The following RUVBL1 variants were observed in gnomAD, a reference collection of about 807,000 sequenced individuals.
RUVBL1 encodes RuvB like AAA ATPase 1, also known as ruvB-like 1.
In RUVBL1, 4 loss-of-function variants were observed where a neutral mutation model predicts 52.4. That is an observed-to-expected ratio of 0.08 (90% CI 0.04 to 0.17). The LOEUF (loss-of-function observed/expected upper bound fraction) is 0.17. RUVBL1 is among the 10% of genes least tolerant of loss of function. The pLI is 1.00. For synonymous variants in RUVBL1, 217 were observed against 214.4 expected, an observed-to-expected ratio of 1.01 and a Z score of -0.10; for missense variants, 298 against 572.8, an observed-to-expected ratio of 0.52 and a Z score of 4.90.
chr3:128,084,486 T>G (rs1942578314), intron 9 of RUVBL1: 1 of 152,136 alleles, frequency 6.6e-6, no homozygotes, highest in Admixed American at 6.5e-5. Context: ...GATGTAAATA[T>G]TGAATCCTGG....
rs1559843198 is a variant in RUVBL1, at chr3:128,152,904, G to GTCCCCCCACCCTCC, written c.-40+298_-40+299insGGAGGGTGGGGGGA. 7.5e-3 allele frequency among the ~76,000 whole-genome samples: 47 copies of GTCCCCCCACCCTCC among 6,246 alleles called. 1 individual carries two copies. Among genetic ancestry groups the GTCCCCCCACCCTCC allele is most frequent in the Non-Finnish European group, 9.8e-3 (36 of 3,688 alleles). 4.1% of individuals were successfully genotyped at this position (6,246 alleles called of 152,430 possible). ...TTTGCCCCCTCCCCCACGTCCCCCC[G>GTCCCCCCACCCTCC]CCCTCCCCCGCCCCCCGCCGTCCCC... On this transcript the variant is annotated intron_variant, in intron 1 of 9. Coordinates refer to the RUVBL1 transcript ENST00000464873.
chr3:128,122,318 T>C (rs1204104031), intron 1 of RUVBL1, among the ~76,000 whole-genome samples: 2 of 152,284 alleles, frequency 1.3e-5, no homozygotes, highest in Non-Finnish European at 2.9e-5. Context: ...GAGGGACAGA[T>C]GAAAAGATAT....
At chr3:128,112,769 A>G in intron 3 of RUVBL1, 119 bp downstream of exon 3, 1 of 1,202,782 alleles carries the variant, frequency 8.3e-7, no homozygotes, top group South Asian at 1.5e-5. Flanking sequence ...CTAAGTGCCA[A>G]AAGAAAAACA....
chr3:128,153,564 C>T, exon 1 of RUVBL1: 6 of 1,537,064 alleles, frequency 3.9e-6, no homozygotes, highest in Non-Finnish European at 5.2e-6. Flanking sequence ...TCGACAGCGG[C>T]AAGACGGCGC....
At chr3:128,122,791 G>T (rs976794519) in intron 1 of RUVBL1, among the ~76,000 whole-genome samples, 1 of 152,214 alleles carries the variant, frequency 6.6e-6, no homozygotes, top group Non-Finnish European at 1.5e-5. Context: ...TGATTTGGGA[G>T]TCAGAAATAC....
intron 6 of RUVBL1, among the ~76,000 whole-genome samples, chr3:128,099,158 C>T (rs1023631166): frequency 2.0e-5 from 3 of 152,176 alleles, no homozygotes; most frequent in East Asian, 1.9e-4. Flanking sequence ...GTATAAGCTC[C>T]GTGGGGCCTG....
At chr3:128,140,356 T>G (rs1027993110) in intron 1 of RUVBL1, among the ~76,000 whole-genome samples, 1 of 141,592 alleles carries the variant, frequency 7.1e-6, no homozygotes, top group Non-Finnish European at 1.6e-5. Context: ...GTGGGGCTGC[T>G]GGCTTTTAGA....
intron 1 of RUVBL1, among the ~76,000 whole-genome samples, chr3:128,141,000 G>T (rs1944012648): frequency 6.6e-6 from 1 of 152,158 alleles, no homozygotes; most frequent in Non-Finnish European, 1.5e-5. Flanking sequence ...TTTTATTAAA[G>T]ATTCTTTGGA....
At chr3:128,098,467 G>A (rs768882482) in intron 7 of RUVBL1, among the ~76,000 whole-genome samples, 1 of 152,216 alleles carries the variant, frequency 6.6e-6, no homozygotes, top group East Asian at 1.9e-4. Flanking sequence ...AAGGTTCACA[G>A]GGGAGCAGCA....
chr3:128,129,973 C>G (rs1016943786), intron 1 of RUVBL1, among the ~76,000 whole-genome samples: 1 of 152,098 alleles, frequency 6.6e-6, no homozygotes, highest in African/African-American at 2.4e-5. Flanking sequence ...GTACCTAAAG[C>G]CGCCTAACTG....
intron 1 of RUVBL1, among the ~76,000 whole-genome samples, chr3:128,145,675 G>C (rs1944093261): frequency 6.6e-6 from 1 of 152,186 alleles, no homozygotes; most frequent in Admixed American, 6.5e-5. Context: ...TGAGGAGTCA[G>C]TCTATCCACA....
intron 1 of RUVBL1, among the ~76,000 whole-genome samples, chr3:128,140,689 C>G (rs1433175542): frequency 1.3e-5 from 2 of 151,906 alleles, no homozygotes; most frequent in Non-Finnish European, 2.9e-5. Context: ...AATGACAGAC[C>G]ACATATAAGA....
At chr3:128,144,582 G>A (rs930431315) in intron 1 of RUVBL1, among the ~76,000 whole-genome samples, 4 of 152,190 alleles carry the variant, frequency 2.6e-5, no homozygotes, top group Admixed American at 1.3e-4. Flanking sequence ...GGTGGTGAGT[G>A]CATTCAAGAA....
At chr3:128,071,840 G>A (rs1306779092) in intron 9 of RUVBL1, among the ~76,000 whole-genome samples, 1 of 152,230 alleles carries the variant, frequency 6.6e-6, no homozygotes, top group Non-Finnish European at 1.5e-5. Flanking sequence ...TGTCAACCTG[G>A]TGCTCACATT....
chr3:128,146,316 CTG>C lies in RUVBL1; in HGVS notation c.-40+6885_-40+6886del, dbSNP rs138740874. On this transcript the variant is annotated intron_variant, in intron 1 of 9. Coordinates refer to the RUVBL1 transcript ENST00000464873. Reference sequence around the variant, plus strand: ...TGTGTCTCTGTGCATGTGCGTGCGTCTGTGTGTGTGTGTGCATGTGTGCGTGT... The same window carrying C: ...TGTGTCTCTGTGCATGTGCGTGCGTCTGTGTGTGTGTGCATGTGTGCGTGT... Among the ~76,000 whole-genome samples the C allele has an allele frequency of 6.0e-5, 9 of 150,740 alleles. 1 individual carries two copies. The South Asian group carries it at 1.5e-3, about 25-fold the overall frequency.
At chr3:128,076,973 CGGTGACGGCG>C (rs1247845529), downstream of RUVBL1, among the ~76,000 whole-genome samples, 7 of 151,120 alleles carry the variant, frequency 4.6e-5, no homozygotes, top group Non-Finnish European at 8.8e-5. The surrounding 1 kb of genome is among the most constrained non-coding windows in gnomAD (Gnocchi z 6.8). Context: ...GTGACGGTGA[CGGTGACGGCG>C]GGTGACGGAG....
exon 1 of RUVBL1, chr3:128,153,448 G>A: frequency 7.0e-7 from 1 of 1,433,388 alleles, no homozygotes. Context: ...GCCGGACCGC[G>A]GCGACTACCG....
At chr3:128,153,230 C>G (rs1944281328) in exon 1 of RUVBL1, 1 of 1,335,370 alleles carries the variant, frequency 7.5e-7, no homozygotes, top group Non-Finnish European at 9.5e-7. Flanking sequence ...CTTCACTTCT[C>G]AGAAGGATCC....
At chr3:128,133,198 G>A (rs888016956) in intron 1 of RUVBL1, among the ~76,000 whole-genome samples, 11 of 152,258 alleles carry the variant, frequency 7.2e-5, no homozygotes, top group Non-Finnish European at 1.2e-4. Context: ...TTTGTATTGC[G>A]GTTTGGGCAC....
Sources: allele counts gnomAD v4.1 joint callset (sites outside exome capture counted in the v4.1 genomes callset), GRCh38; gene constraint gnomAD v4.1.1; non-coding constraint Gnocchi (gnomAD v3.1); transcripts MANE v1.5; gene names NCBI Gene and HGNC (gene_info 2026-07-23, HGNC 2026-07-21).